The following RABEP2 variants were observed in gnomAD, a reference collection of about 807,000 sequenced individuals.
RABEP2 encodes the protein rabaptin, RAB GTPase binding effector protein 2.
RABEP2 carries 57 observed loss-of-function variants against 74.1 expected under a neutral mutation model. The ratio of observed to expected loss-of-function variants is 0.77; its 90% CI spans 0.62 to 0.96. The LOEUF (loss-of-function observed/expected upper bound fraction) is 0.96, where lower values mean the gene tolerates loss of function less well. Ranked by LOEUF, RABEP2 falls within the 40% of genes least tolerant of loss-of-function variation. The pLI is 0.00. For missense variants in RABEP2, 692 were observed against 756.3 expected, an observed-to-expected ratio of 0.91 and a Z score of 1.00; for synonymous variants, 351 against 344.0, an observed-to-expected ratio of 1.02 and a Z score of -0.23.
intron 7 of RABEP2, among the ~76,000 whole-genome samples, chr16:28,909,036 C>T (rs1007233988): frequency 6.6e-6 from 1 of 151,554 alleles, no homozygotes; most frequent in African/African-American, 2.4e-5. Context: ...CATACACACA[C>T]ACACACACAA....
intron 5 of RABEP2, among the ~76,000 whole-genome samples, chr16:28,912,298 G>A (rs2152220202): frequency 6.6e-6 from 1 of 151,538 alleles, no homozygotes; most frequent in Middle Eastern, 3.5e-3. Context: ...TGTCTCTGCG[G>A]CCATCCCCTG....
Position 28,924,809 on chromosome 16 carries a change from C to T in RABEP2, c.62-194G>A, listed in dbSNP as rs994792352. On this transcript the variant is annotated intron_variant, in intron 1 of 12. Coordinates refer to ENST00000358201, the MANE Select transcript of RABEP2 (RefSeq NM_024816.3). ...GCCGGGTGCTGCCTACACTCCATCT[C>T]TTCGCGGTGGCCAGTTTCACTCAGT... is the stretch of plus-strand genomic sequence containing the variant. The T allele has an allele frequency of 4.4e-5, 31 of 709,770 alleles. No homozygotes were observed. The African/African-American group carries it at 4.8e-4, about 11-fold the overall frequency. The allele number at this position is 709,770 out of a possible 1,614,324, so 44.0% of individuals were successfully genotyped here. A position where few individuals can be genotyped will look rare whatever the true frequency, so the allele number is the denominator to read the frequency against.
At position 28,925,211 on chromosome 16, in the gene RABEP2, C is replaced by G; in HGVS notation, c.-48G>C. ...TCCCGCACTCCCTGGTGACGGAGCG[C>G]ACCGCTTCCGGGTCCTCTCGGCTGT... On this transcript the variant is annotated 5_prime_UTR_variant, in exon 1 of 13. Transcript: ENST00000358201. 6.6e-7 allele frequency: 1 copy of G among 1,508,204 alleles called. No homozygotes were observed. Among genetic ancestry groups the G allele is most frequent in the Non-Finnish European group, 8.8e-7 (1 of 1,134,436 alleles). 93.4% of individuals were successfully genotyped at this position (1,508,204 alleles called of 1,614,324 possible).
In RABEP2 at chr16:28,919,946, G is replaced by T; in HGVS notation, c.275-3C>A. 6.3e-7 allele frequency: 1 copy of T among 1,584,064 alleles called. No individual in the cohort carries two copies. On this transcript the variant is annotated splice_region_variant and splice_polypyrimidine_tract_variant and intron_variant, in intron 2 of 12. Transcript: ENST00000358201. ...GGCTTCATAGCTGCTGATGGAGTCT[G>T]GTGGGGGAGAGGGAGGGTGGGAGAG...
intron 3 of RABEP2, 30 bp downstream of exon 3, chr16:28,919,756 G>C (rs1266215491): frequency 6.3e-7 from 1 of 1,585,036 alleles, no homozygotes; most frequent in East Asian, 2.3e-5. Flanking sequence ...CCAAATCCCA[G>C]GGCAGCAGGG....
chr16:28,909,076 A>T (rs1268078284), intron 7 of RABEP2, among the ~76,000 whole-genome samples: 1 of 151,670 alleles, frequency 6.6e-6, no homozygotes, highest in Non-Finnish European at 1.5e-5. Flanking sequence ...TTTAAATTTT[A>T]AAAAATATAT....
intron 3 of RABEP2, among the ~76,000 whole-genome samples, chr16:28,915,975 A>G (rs1964387668): frequency 6.6e-6 from 1 of 150,944 alleles, no homozygotes; most frequent in African/African-American, 2.4e-5. Context: ...AAGTAGCTAG[A>G]ATTACAGATG....
chr16:28,918,924 G>A lies in RABEP2; in HGVS notation c.432+862C>T, dbSNP rs972325968. 3.9e-5 allele frequency among the ~76,000 whole-genome samples: 6 copies of A among 152,308 alleles called. No homozygotes were observed. In the South Asian group the frequency reaches 6.2e-4, roughly 16 times the overall value. ...CAGCTTCAAGCTCCTGGCCTCAAGC[G>A]ATCCTCCTGCCTTGGCTTCCCAAAG... is the stretch of plus-strand genomic sequence containing the variant. On this transcript the variant is annotated intron_variant, in intron 3 of 12. Transcript: ENST00000358201.
rs1160585671 is a variant in RABEP2, at chr16:28,910,874, C to T, written c.1089+14G>A. Reference sequence around the variant, plus strand: ...ACTCCTCGCCCTCCTGCCCTAGGGCCCCCAGGTACTCACCATCTGCAGCTG... The same window carrying T: ...ACTCCTCGCCCTCCTGCCCTAGGGCTCCCAGGTACTCACCATCTGCAGCTG... On this transcript the variant is annotated intron_variant, in intron 7 of 12. Coordinates refer to ENST00000358201, the MANE Select transcript of RABEP2 (RefSeq NM_024816.3). 6.2e-7 allele frequency: 1 copy of T among 1,603,930 alleles called. No individual in the cohort carries two copies. The highest frequency in any genetic ancestry group is 8.5e-7 in the Non-Finnish European group (1 of 1,175,626).
intron 3 of RABEP2, among the ~76,000 whole-genome samples, chr16:28,919,021 C>G (rs151001160): frequency 1.1e-3 from 175 of 152,190 alleles, no homozygotes; most frequent in African/African-American, 4.2e-3. Flanking sequence ...CTTCTATGTG[C>G]GTAAACAGGG....
chr16:28,919,667 G>A (rs1353736267), intron 3 of RABEP2, 119 bp downstream of exon 3: 9 of 1,217,294 alleles, frequency 7.4e-6, no homozygotes, highest in Non-Finnish European at 9.1e-6. Context: ...TGGTAACTCT[G>A]TGCTATTCCT....
chr16:28,913,220 G>A (rs188651993), intron 5 of RABEP2, among the ~76,000 whole-genome samples: 13 of 151,702 alleles, frequency 8.6e-5, no homozygotes, highest in South Asian at 4.2e-4. Flanking sequence ...ATGAGCCACC[G>A]CGCCCGGCCT....
At chr16:28,922,361 C>T (rs557199976) in intron 2 of RABEP2, among the ~76,000 whole-genome samples, 7 of 152,042 alleles carry the variant, frequency 4.6e-5, no homozygotes, top group Admixed American at 2.6e-4. Context: ...CCGAGGTGGG[C>T]GGATCACAAG....
rs745787339 is a variant in RABEP2, at chr16:28,914,403, C to T, written c.727G>A (p.Val243Ile). The change falls in exon 5 of 13, where the codon GTC becomes ATC. Residue 243 changes from valine to isoleucine, a missense_variant. Coordinates refer to ENST00000358201, the MANE Select transcript of RABEP2 (RefSeq NM_024816.3). ...SISSFSLGGG[V>I]GSSSSLPQSR... The stretch of plus-strand genomic sequence containing the variant: ...TGGGGCAGGGAGGAGCTGCTGCCGA[C>T]CCCACCGCCAAGGGAGAAGGAGGAG... The T allele has an allele frequency of 4.3e-6, 7 of 1,613,290 alleles. No individual in the cohort carries two copies. Among genetic ancestry groups the T allele is most frequent in the Middle Eastern group, 1.7e-4 (1 of 6,024 alleles).
At chr16:28,912,587 G>GT (rs1964330158) in intron 5 of RABEP2, among the ~76,000 whole-genome samples, 2 of 151,496 alleles carry the variant, frequency 1.3e-5, no homozygotes, top group South Asian at 2.1e-4. Flanking sequence ...ACTTTTTTGT[G>GT]TTTTTTTGTA....
intron 1 of RABEP2, 56 bp from the exon 2 acceptor site, chr16:28,924,671 G>T: frequency 6.7e-7 from 1 of 1,503,130 alleles, no homozygotes; most frequent in Non-Finnish European, 9.1e-7. Flanking sequence ...GCCACCTACC[G>T]GCTTAGCAAG....
At chr16:28,923,233 C>G (rs1346967340) in intron 2 of RABEP2, among the ~76,000 whole-genome samples, 1 of 151,982 alleles carries the variant, frequency 6.6e-6, no homozygotes, top group Non-Finnish European at 1.5e-5. Context: ...CATAGAGAGA[C>G]CCTGTTTCTA....
chr16:28,911,404 G>A (rs1325280865), intron 5 of RABEP2, among the ~76,000 whole-genome samples: 1 of 152,202 alleles, frequency 6.6e-6, no homozygotes, highest in Non-Finnish European at 1.5e-5. Flanking sequence ...GGTCACGCCT[G>A]TAATCCCAGC....
At chr16:28,919,972 AG>A in intron 2 of RABEP2, 29 bp from the exon 3 acceptor site, 1 of 1,541,644 alleles carries the variant, frequency 6.5e-7, no homozygotes, top group East Asian at 2.3e-5. Flanking sequence ...GGTGGGAGAG[AG>A]GGAGGGTCAA....
Sources: allele counts gnomAD v4.1 joint callset (sites outside exome capture counted in the v4.1 genomes callset), GRCh38; gene constraint gnomAD v4.1.1; transcripts MANE v1.5; gene names NCBI Gene and HGNC (gene_info 2026-07-23, HGNC 2026-07-21).